The following YAE1 variants were observed in gnomAD, a reference collection of about 807,000 sequenced individuals.
YAE1 encodes protein YAE1 homolog.
Under a neutral mutation model 23.0 loss-of-function variants are expected in YAE1, and 22 were observed. That is an observed-to-expected ratio of 0.96 (90% CI 0.68 to 1.37). YAE1 has a LOEUF of 1.37. Ranked by LOEUF, YAE1 falls within the 40% of genes most tolerant of loss-of-function variation. The pLI is 0.00. For synonymous variants in YAE1, 101 were observed against 97.0 expected, an observed-to-expected ratio of 1.04 and a Z score of -0.24; for missense variants, 260 against 262.1, an observed-to-expected ratio of 0.99 and a Z score of 0.06.
chr7:39,572,371 T>C lies in YAE1; in HGVS notation c.346T>C (p.Tyr116His), dbSNP rs2115776285. 1.2e-6 allele frequency: 2 copies of C among 1,614,076 alleles called. No homozygotes were observed. The highest frequency in any genetic ancestry group is 1.7e-6 in the Non-Finnish European group (2 of 1,179,976). The change falls in exon 3 of 3, where the codon TAT becomes CAT. Residue 116 changes from tyrosine to histidine, a missense_variant. Tyr to His is a moderately conservative substitution (Grantham distance 83). Coordinates refer to ENST00000223273, the MANE Select transcript of YAE1 (RefSeq NM_020192.5). ...LLDAVGQCEE[Y>H]VLKHLKSITP... The stretch of plus-strand genomic sequence containing the variant: ...GGATGCAGTTGGCCAGTGTGAAGAG[T>C]ATGTGCTCAAACATCTGAAATCAAT...
At chr7:39,589,003 A>G (rs1406741529) in intron 2 of YAE1, among the ~76,000 whole-genome samples, 2 of 151,866 alleles carry the variant, frequency 1.3e-5, no homozygotes, top group Non-Finnish European at 2.9e-5. Flanking sequence ...TTGTATTTTT[A>G]GTAGAGACAG....
intron 2 of YAE1, among the ~76,000 whole-genome samples, chr7:39,596,364 A>G (rs1279764429): frequency 6.6e-6 from 1 of 151,644 alleles, no homozygotes; most frequent in East Asian, 1.9e-4. Flanking sequence ...CAGCCTCCCA[A>G]ATAGCTGGGA....
chr7:39,596,453 G>A (rs1020955336), intron 2 of YAE1, among the ~76,000 whole-genome samples: 1 of 151,980 alleles, frequency 6.6e-6, no homozygotes, highest in Admixed American at 6.6e-5. Flanking sequence ...GGCCAGGCTG[G>A]TCTTGAACTC....
At chr7:39,585,110 A>G (rs776875282) in intron 2 of YAE1, among the ~76,000 whole-genome samples, 4 of 152,234 alleles carry the variant, frequency 2.6e-5, no homozygotes, top group Non-Finnish European at 4.4e-5. Context: ...TTCTTAGACC[A>G]TAGAGTATCT....
Position 39,591,175 on chromosome 7 carries a change from G to A in YAE1, c.252-18442G>A, listed in dbSNP as rs1790895893. 3.3e-5 allele frequency among the ~76,000 whole-genome samples: 5 copies of A among 152,152 alleles called. No homozygotes were observed. In the South Asian group the frequency reaches 1.0e-3, roughly 32 times the overall value. On this transcript the variant is annotated intron_variant, in intron 2 of 2. Transcript: ENST00000432096. ...CCTCTTCTTACAAGAATACCAGTCA[G>A]ACCGGATTAAGGCCCACCCTAAGGA...
intron 2 of YAE1, among the ~76,000 whole-genome samples, chr7:39,586,106 A>G (rs1455595160): frequency 1.3e-5 from 2 of 151,998 alleles, no homozygotes; most frequent in East Asian, 3.9e-4. Context: ...TCTCAAAGAA[A>G]TATATATATC....
intron 2 of YAE1, among the ~76,000 whole-genome samples, chr7:39,582,102 T>A (rs1351052756): frequency 6.6e-6 from 1 of 151,770 alleles, no homozygotes; most frequent in Non-Finnish European, 1.5e-5. Context: ...ACTGTGTCTG[T>A]AGGTAGTTCT....
intron 2 of YAE1, among the ~76,000 whole-genome samples, chr7:39,586,536 CGCCCAG>C (rs1790816549): frequency 6.7e-6 from 1 of 150,342 alleles, no homozygotes; most frequent in African/African-American, 2.4e-5. Context: ...CTTGCTCTGT[CGCCCAG>C]GCTGGAGTGC....
chr7:39,587,459 T>C (rs916856152), intron 2 of YAE1, among the ~76,000 whole-genome samples: 3 of 152,222 alleles, frequency 2.0e-5, no homozygotes, highest in African/African-American at 7.2e-5. Context: ...TACACCTATA[T>C]ATGTATATAT....
intron 2 of YAE1, among the ~76,000 whole-genome samples, chr7:39,601,212 A>G (rs964991621): frequency 1.6e-4 from 24 of 152,226 alleles, no homozygotes; most frequent in Admixed American, 1.6e-3. Context: ...CATATTACTA[A>G]GTTCTGTGCC....
At chr7:39,573,396 TAA>T (rs1424896852), downstream of YAE1, among the ~76,000 whole-genome samples, 3 of 152,196 alleles carry the variant, frequency 2.0e-5, no homozygotes. Context: ...CAGATTATTT[TAA>T]ACTGCAGTAT....
intron 2 of YAE1, 119 bp from the exon 3 acceptor site, chr7:39,572,158 G>A: frequency 9.6e-7 from 1 of 1,036,800 alleles, no homozygotes; most frequent in Non-Finnish European, 1.4e-6. Context: ...TATGAAAGAG[G>A]GGTTATGAAT....
At chr7:39,602,370 G>C (rs1014003950) in intron 2 of YAE1, among the ~76,000 whole-genome samples, 1 of 152,174 alleles carries the variant, frequency 6.6e-6, no homozygotes, top group African/African-American at 2.4e-5. Flanking sequence ...GAGACCTGCA[G>C]AGCTAGTTAG....
At position 39,570,608 on chromosome 7, in the gene YAE1, C is replaced by T. The variant is rs146248465; in HGVS notation, c.232C>T (p.Arg78Ter). ...TGCAGAAGTCATTTTAAACTATGGA[C>T]GACTCCGAGGAACATTGAGGTAATT... ...KGAEVILNYG[R>*]LRGTLSALLS... The change falls in exon 2 of 3, where the codon CGA (arginine) becomes TGA (stop). Residue 78 changes from arginine (R) to a stop codon, truncating the protein, a stop_gained. Transcript: ENST00000223273. LOFTEE classifies it high-confidence loss of function. 3.6e-5 allele frequency: 58 copies of T among 1,601,370 alleles called. No homozygotes were observed. Among genetic ancestry groups the T allele is most frequent in the Non-Finnish European group, 3.7e-5 (43 of 1,177,438 alleles).
At chr7:39,583,200 A>G (rs1000440252) in intron 2 of YAE1, among the ~76,000 whole-genome samples, 5 of 152,186 alleles carry the variant, frequency 3.3e-5, no homozygotes, top group African/African-American at 1.2e-4. Context: ...GAAACAAGGA[A>G]TATGTTATAT....
At chr7:39,611,130 A>G (rs1298719915), downstream of YAE1, among the ~76,000 whole-genome samples, 1 of 151,716 alleles carries the variant, frequency 6.6e-6, no homozygotes. Context: ...CCTCGGTGAC[A>G]GAGTAAGATT....
intron 1 of YAE1, among the ~76,000 whole-genome samples, chr7:39,568,960 A>G (rs1562588308): frequency 6.6e-6 from 1 of 152,190 alleles, no homozygotes; most frequent in Non-Finnish European, 1.5e-5. Flanking sequence ...CAAAGTTCCC[A>G]TTTATGGGAA....
At chr7:39,569,897 A>G in intron 1 of YAE1, 1 of 1,130,770 alleles carries the variant, frequency 8.8e-7, no homozygotes, top group Non-Finnish European at 1.3e-6. Context: ...GATAAATAGT[A>G]GGAAGAACAG....
At chr7:39,602,049 T>A (rs958509683) in intron 2 of YAE1, among the ~76,000 whole-genome samples, 1 of 152,098 alleles carries the variant, frequency 6.6e-6, no homozygotes, top group African/African-American at 2.4e-5. Flanking sequence ...TTAGAAAAAA[T>A]TGTGTTACCT....
Sources: gnomAD v4.1 joint callset for allele counts (sites outside exome capture counted in the v4.1 genomes callset) on GRCh38, gnomAD v4.1.1 for gene constraint, MANE v1.5 for transcripts, NCBI Gene and HGNC (gene_info 2026-07-23, HGNC 2026-07-21) for gene names.